LRRC4C: variants seen among roughly 807,000 people sequenced by gnomAD.
LRRC4C encodes the protein leucine-rich repeat-containing protein 4C.
In LRRC4C, 5 loss-of-function variants were observed where a neutral mutation model predicts 33.6. The observed-to-expected ratio is 0.15, with a 90% CI of 0.08 to 0.31. The LOEUF is 0.31. Ranked by LOEUF, LRRC4C falls within the 10% of genes least tolerant of loss-of-function variation. The pLI is 1.00. For missense variants in LRRC4C, 560 were observed against 796.7 expected, an observed-to-expected ratio of 0.70 and a Z score of 3.58; for synonymous variants, 329 against 302.0, an observed-to-expected ratio of 1.09 and a Z score of -0.93.
At chr11:40,707,762 C>T (rs7932195) in intron 2 of LRRC4C, among the ~76,000 whole-genome samples, 78,678 of 151,856 alleles carry the variant, frequency 0.52, 20,540 homozygotes, top group African/African-American at 0.55. Context: ...TTTCTATTGA[C>T]TGGAATAGTT....
intron 1 of LRRC4C, among the ~76,000 whole-genome samples, chr11:40,946,986 T>C (rs1346585482): frequency 6.6e-6 from 1 of 152,162 alleles, no homozygotes; most frequent in Non-Finnish European, 1.5e-5. Context: ...CACAATTATG[T>C]AGAAATTAAA....
chr11:40,800,120 C>G (rs957658116), intron 2 of LRRC4C, among the ~76,000 whole-genome samples: 1 of 152,186 alleles, frequency 6.6e-6, no homozygotes. Flanking sequence ...TAAGTGTTTT[C>G]TCAATTAATT....
At chr11:41,043,124 T>C (rs1857550617) in intron 1 of LRRC4C, among the ~76,000 whole-genome samples, 1 of 149,742 alleles carries the variant, frequency 6.7e-6, no homozygotes, top group Non-Finnish European at 1.5e-5. Flanking sequence ...ATTCAGAGTA[T>C]TTGATTTGAT....
chr11:41,328,031 C>T (rs80192184), intron 1 of LRRC4C, among the ~76,000 whole-genome samples: 11,522 of 152,178 alleles, frequency 0.076, 609 homozygotes, highest in South Asian at 0.18. Context: ...TTGTAGGCAC[C>T]ATGTCCTGGC....
chr11:41,118,898 C>A (rs913533531), intron 1 of LRRC4C, among the ~76,000 whole-genome samples: 2 of 151,280 alleles, frequency 1.3e-5, no homozygotes, highest in African/African-American at 4.8e-5. Context: ...CAAAATAAAT[C>A]CTTTTCTTAT....
At chr11:40,629,120 T>C (rs148748975) in intron 3 of LRRC4C, among the ~76,000 whole-genome samples, 14 of 152,334 alleles carry the variant, frequency 9.2e-5, no homozygotes, top group African/African-American at 3.4e-4. Context: ...TTGTATTATG[T>C]GTAGAAGATA....
chr11:41,326,799 T>C (rs2922039), intron 1 of LRRC4C, among the ~76,000 whole-genome samples: 109,569 of 152,040 alleles, frequency 0.72, 39,760 homozygotes, highest in East Asian at 0.83. Context: ...TTCTATTGTA[T>C]GTGTTAAGAA....
At chr11:41,233,365 C>T (rs1947883812) in intron 1 of LRRC4C, among the ~76,000 whole-genome samples, 1 of 151,778 alleles carries the variant, frequency 6.6e-6, no homozygotes, top group Admixed American at 6.6e-5. Flanking sequence ...TTACAAAAAA[C>T]CTGAGAAAGT....
At chr11:41,370,073 C>T (rs1408564498) in intron 1 of LRRC4C, among the ~76,000 whole-genome samples, 1 of 152,194 alleles carries the variant, frequency 6.6e-6, no homozygotes, top group Non-Finnish European at 1.5e-5. Flanking sequence ...TTAGATATAT[C>T]ACATGCATTA....
intron 3 of LRRC4C, among the ~76,000 whole-genome samples, chr11:40,515,515 A>G (rs942378000): frequency 6.6e-6 from 1 of 152,010 alleles, no homozygotes; most frequent in African/African-American, 2.4e-5. Flanking sequence ...CTCATGATAC[A>G]CATTTTTATC....
intron 1 of LRRC4C, among the ~76,000 whole-genome samples, chr11:41,284,784 C>T (rs114438399): frequency 2.8e-3 from 423 of 152,278 alleles, no homozygotes; most frequent in African/African-American, 6.0e-3. Flanking sequence ...AATCCATAGC[C>T]ACAGTTTATT....
chr11:40,999,688 T>G (rs970390239), intron 1 of LRRC4C, among the ~76,000 whole-genome samples: 9 of 152,164 alleles, frequency 5.9e-5, no homozygotes, highest in Admixed American at 5.2e-4. Context: ...GCTAGAAACC[T>G]GCCATATGCT....
chr11:40,431,207 T>C (rs189872563), intron 3 of LRRC4C, among the ~76,000 whole-genome samples: 1 of 148,802 alleles, frequency 6.7e-6, no homozygotes, highest in Non-Finnish European at 1.5e-5. Flanking sequence ...GGTGGGTGGA[T>C]CACGAGGTCA....
intron 6 of LRRC4C, among the ~76,000 whole-genome samples, chr11:40,126,806 C>T (rs1166337746): frequency 6.6e-6 from 1 of 151,732 alleles, no homozygotes; most frequent in African/African-American, 2.4e-5. Context: ...ACTAAAAATA[C>T]AAAATTAACC....
chr11:40,707,873 T>C (rs1479945446), intron 2 of LRRC4C, among the ~76,000 whole-genome samples: 1 of 152,210 alleles, frequency 6.6e-6, no homozygotes, highest in Non-Finnish European at 1.5e-5. Context: ...CTATTAATTA[T>C]TGCCTCAATT....
chr11:41,336,251 TA>T (rs1208727322), intron 1 of LRRC4C, among the ~76,000 whole-genome samples: 14 of 149,284 alleles, frequency 9.4e-5, no homozygotes, highest in South Asian at 4.2e-4. Flanking sequence ...CCTTTTTTTT[TA>T]AAAAAAAAAG....
At chr11:40,183,032 C>G (rs1305402436) in intron 5 of LRRC4C, among the ~76,000 whole-genome samples, 1 of 152,102 alleles carries the variant, frequency 6.6e-6, no homozygotes, top group Non-Finnish European at 1.5e-5. Context: ...GGCTTCATTA[C>G]CTGAGCTATT....
chr11:41,150,529 C>A (rs757287653), intron 1 of LRRC4C, among the ~76,000 whole-genome samples: 1 of 152,012 alleles, frequency 6.6e-6, no homozygotes, highest in African/African-American at 2.4e-5. Context: ...CGGTGGCTCA[C>A]GCCTGTAATC....
In LRRC4C at chr11:41,089,557, G is replaced by C. The variant is rs540137263; in HGVS notation, c.-495-155834C>G. Among the ~76,000 whole-genome samples the C allele has an allele frequency of 3.9e-5, 6 of 151,928 alleles. No homozygotes were observed. In the South Asian group the frequency reaches 1.2e-3, roughly 31 times the overall value. ...TTGCTCAAGCAATCTTCTATTCAAC[G>C]TAAGTGCAGGTCAGATTGCTAAATC... On this transcript the variant is annotated intron_variant, in intron 1 of 6. Transcript: ENST00000528697.
Sources: allele counts gnomAD v4.1 joint callset (sites outside exome capture counted in the v4.1 genomes callset), GRCh38; gene constraint gnomAD v4.1.1; transcripts MANE v1.5; gene names NCBI Gene and HGNC (gene_info 2026-07-23, HGNC 2026-07-21).